TOX2: variants seen among roughly 807,000 people sequenced by gnomAD.
The protein encoded by TOX2 is granulosa cell HMG box 1.
A neutral mutation model predicts 47.4 loss-of-function variants in TOX2; 15 were observed. The ratio of observed to expected loss-of-function variants is 0.32; its 90% CI spans 0.21 to 0.49. The LOEUF (loss-of-function observed/expected upper bound fraction) is 0.49, where lower values mean the gene tolerates loss of function less well. Among genes scored for constraint, TOX2 ranks in the 20% least tolerant of loss-of-function variants. The pLI, the probability that TOX2 is intolerant of heterozygous loss-of-function variation, is 0.99. For synonymous variants in TOX2, 290 were observed against 296.6 expected, an observed-to-expected ratio of 0.98 and a Z score of 0.23; for missense variants, 622 against 673.1, an observed-to-expected ratio of 0.92 and a Z score of 0.84.
chr20:43,956,140 G>T (rs767667410), intron 1 of TOX2, among the ~76,000 whole-genome samples: 3 of 151,982 alleles, frequency 2.0e-5, no homozygotes, highest in South Asian at 4.1e-4. Flanking sequence ...CACCTCTTCC[G>T]TGAAGTCTTT....
rs548529899 is a variant in TOX2 at position 43,957,995 on chromosome 20, G to A, written c.100-15372G>A. Among the ~76,000 whole-genome samples, 12 of 152,160 alleles carry A rather than the reference G, an allele frequency of 7.9e-5. No individual in the cohort carries two copies. In the South Asian group the frequency reaches 2.5e-3, roughly 32 times the overall value. ...TCACCATGTCCCTCCTCCAAAATTG[G>A]GCATTACAATTCGACATGAGACTTG... is the stretch of plus-strand genomic sequence containing the variant. On this transcript the variant is annotated intron_variant, in intron 1 of 8. Coordinates refer to ENST00000341197, the MANE Select transcript of TOX2 (RefSeq NM_001098797.2).
In TOX2 at chr20:44,054,348, A is replaced by T. The variant is rs750439413; in HGVS notation, c.701A>T (p.Asn234Ile). 2.5e-6 allele frequency: 4 copies of T among 1,612,114 alleles called. No homozygotes were observed. Among genetic ancestry groups the T allele is most frequent in the East Asian group, 2.2e-5 (1 of 44,878 alleles). The part of the protein sequence containing the change: ...PSADPGKKAK[N>I]PKKKKKKDPN... ...GCCGACCCAGGAAAAAAGGCCAAGA[A>T]CCCGAAGAAGAAGAAAAAGAAGGAC... Residue 234 changes from asparagine to isoleucine, a missense_variant, in exon 5 of 9, where the codon AAC (asparagine) becomes ATC (isoleucine). By Grantham distance (149) the Asn-to-Ile change is moderately radical. Transcript: ENST00000341197.
At chr20:44,058,758 C>T (rs114496796) in intron 5 of TOX2, among the ~76,000 whole-genome samples, 9,971 of 152,238 alleles carry the variant, frequency 0.065, 446 homozygotes, top group African/African-American at 0.14. Context: ...GCCCAGAGCC[C>T]GGTAGCTCCG....
chr20:43,968,915 TG>T (rs2069909488), intron 1 of TOX2, among the ~76,000 whole-genome samples: 1 of 152,252 alleles, frequency 6.6e-6, no homozygotes, highest in South Asian at 2.1e-4. Context: ...AAAAGATTTT[TG>T]ACCAAGGAAC....
intron 1 of TOX2, among the ~76,000 whole-genome samples, chr20:43,923,857 G>A (rs1297289855): frequency 6.6e-6 from 1 of 152,200 alleles, no homozygotes; most frequent in East Asian, 1.9e-4. Flanking sequence ...TGCTTGGGCC[G>A]GGGAGAAGCT....
Position 44,065,843 on chromosome 20 carries a change from C to T in TOX2, c.1092C>T (p.Phe364=). ...TGACGCCGTCGGACCTGCAGGCCTT[C>T]CGCAGTGGGGCCTCCCCTGCCAGCC... ...SFLTPSDLQA[F]RSGASPASLA... Residue 364 remains phenylalanine, a synonymous_variant, in exon 7 of 9, where the codon TTC becomes TTT. Transcript: ENST00000341197. The T allele has an allele frequency of 6.2e-7, 1 of 1,613,836 alleles. No individual in the cohort carries two copies. The highest frequency in any genetic ancestry group is 8.5e-7 in the Non-Finnish European group (1 of 1,179,758).
At chr20:44,066,971 C>T in intron 8 of TOX2, 114 bp downstream of exon 8, 2 of 1,433,572 alleles carry the variant, frequency 1.4e-6, no homozygotes, top group Non-Finnish European at 1.9e-6. Flanking sequence ...ACCCTGCAGT[C>T]ACTGTCAGCC....
chr20:44,054,350 C>T lies in TOX2; in HGVS notation c.703C>T (p.Pro235Ser), dbSNP rs1186188793. The change falls in exon 5 of 9, where the codon CCG becomes TCG. Residue 235 changes from proline to serine, a missense_variant. Physicochemically the swap from Pro to Ser is moderately conservative, Grantham distance 74. Coordinates refer to ENST00000341197, the MANE Select transcript of TOX2 (RefSeq NM_001098797.2). ...CGACCCAGGAAAAAAGGCCAAGAAC[C>T]CGAAGAAGAAGAAAAAGAAGGACCC... The part of the protein sequence containing the change: ...SADPGKKAKN[P>S]KKKKKKDPNE... 5 of 1,612,242 alleles carry T rather than the reference C, an allele frequency of 3.1e-6. No individual in the cohort carries two copies. In the South Asian group the frequency reaches 5.5e-5, roughly 18 times the overall value.
At chr20:44,048,333 T>G (rs1181816091) in intron 3 of TOX2, among the ~76,000 whole-genome samples, 3 of 148,046 alleles carry the variant, frequency 2.0e-5, no homozygotes, top group Non-Finnish European at 4.5e-5. Context: ...AGTATATTTT[T>G]AAATATATTA....
At chr20:44,050,928 C>T (rs117746598) in intron 3 of TOX2, among the ~76,000 whole-genome samples, 2,912 of 152,274 alleles carry the variant, frequency 0.019, 38 homozygotes, top group Middle Eastern at 0.078. Context: ...CATCTGTGTG[C>T]GTTGCTATCA....
intron 1 of TOX2, among the ~76,000 whole-genome samples, chr20:43,929,351 C>T (rs1297803794): frequency 3.3e-5 from 5 of 152,158 alleles, no homozygotes; most frequent in Admixed American, 1.3e-4. Flanking sequence ...TAAGTCCTCA[C>T]GTGAGCTTGC....
intron 1 of TOX2, among the ~76,000 whole-genome samples, chr20:43,942,124 A>G (rs2145352312): frequency 6.6e-6 from 1 of 152,374 alleles, no homozygotes; most frequent in East Asian, 1.9e-4. Context: ...ATCAAAGCAC[A>G]GTAGAACCTC....
intron 1 of TOX2, among the ~76,000 whole-genome samples, chr20:43,933,203 A>G (rs576812772): frequency 1.3e-5 from 2 of 152,234 alleles, no homozygotes; most frequent in Non-Finnish European, 2.9e-5. Context: ...CTGTAGCTGC[A>G]ATACCATCAG....
rs1404203223 is a variant in TOX2, at chr20:43,971,240, TC to T, written c.100-2124del. On this transcript the variant is annotated intron_variant, in intron 1 of 8. Transcript: ENST00000341197. ...ACATCAAGGTACAGATAGACAAAGA[TC>T]CCTGATCCCTGGGAGCCTCCATTTT... Among the ~76,000 whole-genome samples, 3 of 152,158 alleles carry T rather than the reference TC, an allele frequency of 2.0e-5. No individual in the cohort carries two copies. The East Asian group carries it at 5.8e-4, about 29-fold the overall frequency.
intron 1 of TOX2, among the ~76,000 whole-genome samples, chr20:43,928,016 C>T (rs1169728745): frequency 6.6e-6 from 1 of 152,106 alleles, no homozygotes; most frequent in African/African-American, 2.4e-5. Flanking sequence ...AGGCTGGGGA[C>T]AGTCAGAAAA....
chr20:44,039,349 C>G, intron 3 of TOX2: 3 of 1,262,144 alleles, frequency 2.4e-6, no homozygotes, highest in Non-Finnish European at 3.1e-6. Flanking sequence ...TTGTACAGAT[C>G]CTCATGGAGC....
At chr20:43,996,088 A>G (rs934014783) in intron 2 of TOX2, among the ~76,000 whole-genome samples, 4 of 152,212 alleles carry the variant, frequency 2.6e-5, no homozygotes, top group African/African-American at 4.8e-5. Context: ...AGTGATTGCT[A>G]TATTGCTTTC....
rs1243948493 is a variant in TOX2, at chr20:43,915,110, G to T, written c.99+120G>T. On this transcript the variant is annotated intron_variant, in intron 1 of 8. Coordinates refer to ENST00000341197, the MANE Select transcript of TOX2 (RefSeq NM_001098797.2). This position sits in a 1 kb window ranked among gnomAD's most constrained non-coding sequence, Gnocchi z 7.1. ...ACATCAGCCCCGCCGACGGGCACGGGCGGCTCACATCGATCCCCTCGCGGC... is the reference window on the plus strand; with the variant it reads ...ACATCAGCCCCGCCGACGGGCACGGTCGGCTCACATCGATCCCCTCGCGGC... 8 of 497,912 alleles carry T rather than the reference G, an allele frequency of 1.6e-5. No individual in the cohort carries two copies. In the East Asian group the frequency reaches 6.2e-4, roughly 38 times the overall value. 30.8% of individuals were successfully genotyped at this position (497,912 alleles called of 1,614,324 possible).
At chr20:44,065,074 C>G (rs571234777) in intron 6 of TOX2, among the ~76,000 whole-genome samples, 1 of 152,350 alleles carries the variant, frequency 6.6e-6, no homozygotes, top group African/African-American at 2.4e-5. Context: ...GAACCCAGCA[C>G]CCAGAGGGGT....
Sources: gnomAD v4.1 joint callset for allele counts (sites outside exome capture counted in the v4.1 genomes callset) on GRCh38, gnomAD v4.1.1 for gene constraint, Gnocchi (gnomAD v3.1) non-coding constraint, MANE v1.5 for transcripts, NCBI Gene and HGNC (gene_info 2026-07-23, HGNC 2026-07-21) for gene names.